The following GPM6B variants were observed in gnomAD, a reference collection of about 807,000 sequenced individuals.
GPM6B encodes the protein glycoprotein M6B, also known as neuronal membrane glycoprotein M6-b.
GPM6B carries 4 observed loss-of-function variants against 27.2 expected under a neutral mutation model. The ratio of observed to expected loss-of-function variants is 0.15; its 90% confidence interval spans 0.07 to 0.34. The LOEUF (loss-of-function observed/expected upper bound fraction) is 0.34. Among genes scored for constraint, GPM6B ranks in the 10% least tolerant of loss-of-function variants. GPM6B has a pLI of 1.00. For synonymous variants in GPM6B, 124 were observed against 103.1 expected, an observed-to-expected ratio of 1.20 and a Z score of -1.23; for missense variants, 183 against 261.9, an observed-to-expected ratio of 0.70 and a Z score of 2.08.
intron 1 of GPM6B, among the ~76,000 whole-genome samples, chrX:13,910,274 A>C (rs1295794100): frequency 2.7e-5 from 3 of 112,580 alleles, no homozygotes. Context: ...AAAATCCCCA[A>C]GCCCAGTCAG....
Position 13,913,132 on chromosome X carries a change from T to G in GPM6B, c.-198+25195A>C, listed in dbSNP as rs886801940. ...TCAAGACAATTATAGCACGTCCCAG[T>G]CTTCCCTGTCTGTCTGTCTGTCTAT... On this transcript the variant is annotated intron_variant, in intron 1 of 6. Transcript: ENST00000398361. Among the ~76,000 whole-genome samples, 5 of 111,702 alleles carry G rather than the reference T, an allele frequency of 4.5e-5. 1 individual carries two copies. In the South Asian group the frequency reaches 1.9e-3, roughly 42 times the overall value.
intron 1 of GPM6B, among the ~76,000 whole-genome samples, chrX:13,936,374 TCTA>T (rs1921838848): frequency 8.9e-6 from 1 of 112,210 alleles, no homozygotes; most frequent in African/African-American, 3.2e-5. Flanking sequence ...ACAAACCTCA[TCTA>T]TTTTACCAGT....
At chrX:13,789,546 C>T (rs1045088756) in intron 2 of GPM6B, among the ~76,000 whole-genome samples, 3 of 111,352 alleles carry the variant, frequency 2.7e-5, no homozygotes, top group Non-Finnish European at 3.8e-5. Flanking sequence ...GAGGCCAAGA[C>T]GGGCGGATCA....
At chrX:13,915,971 G>A (rs747921226) in intron 1 of GPM6B, among the ~76,000 whole-genome samples, 3 of 111,524 alleles carry the variant, frequency 2.7e-5, no homozygotes, top group Non-Finnish European at 3.8e-5. Flanking sequence ...CCTGCATTTG[G>A]AACATATCTA....
Position 13,785,693 on chromosome X carries a change from G to C in GPM6B, c.297C>G (p.Leu99=). The C allele has an allele frequency of 1.7e-6, 2 of 1,211,695 alleles. No homozygotes were observed. The highest frequency in any genetic ancestry group is 1.8e-5 in the South Asian group (1 of 57,014). The part of the protein sequence containing the change: ...ALFCGCGHVA[L]AGTVAILEQH... ...GCTCAAGAATCGCCACGGTGCCTGCGAGAGCCACATGCCCACAGCCGCAGA... is the reference window on the plus strand; with the variant it reads ...GCTCAAGAATCGCCACGGTGCCTGCCAGAGCCACATGCCCACAGCCGCAGA... The change falls in exon 3 of 8, where the codon CTC becomes CTG. Residue 99 remains leucine, a synonymous_variant. Coordinates refer to ENST00000316715, the MANE Select transcript of GPM6B (RefSeq NM_001001995.3).
chrX:13,910,889 C>T (rs1161167353), intron 1 of GPM6B, among the ~76,000 whole-genome samples: 1 of 112,435 alleles, frequency 8.9e-6, no homozygotes, highest in African/African-American at 3.2e-5. Flanking sequence ...CAGAAAGTAA[C>T]GGCAAACTGA....
intron 1 of GPM6B, among the ~76,000 whole-genome samples, chrX:13,851,950 T>TA (rs1243341540): frequency 1.6e-4 from 17 of 109,561 alleles, no homozygotes. Flanking sequence ...TCAGAGTTTA[T>TA]AAAAAATGGC....
chrX:13,800,553 T>G, intron 2 of GPM6B, among the ~76,000 whole-genome samples: 1 of 112,503 alleles, frequency 8.9e-6, no homozygotes, highest in South Asian at 3.7e-4. Context: ...AGCGAAACAT[T>G]ACTTCAAGAG....
intron 2 of GPM6B, among the ~76,000 whole-genome samples, chrX:13,804,926 T>C (rs2048995033): frequency 9.0e-6 from 1 of 111,624 alleles, no homozygotes; most frequent in Admixed American, 9.5e-5. Flanking sequence ...CAACAAAATC[T>C]GTAAGTGTCT....
chrX:13,866,223 C>T (rs1406729758), intron 1 of GPM6B, among the ~76,000 whole-genome samples: 8 of 112,056 alleles, frequency 7.1e-5, no homozygotes, highest in African/African-American at 1.3e-4. Flanking sequence ...ATTAGCCGGG[C>T]GTGGTGGCAC....
At chrX:13,885,955 A>G (rs1375736634) in intron 1 of GPM6B, among the ~76,000 whole-genome samples, 2 of 112,418 alleles carry the variant, frequency 1.8e-5, no homozygotes, top group Non-Finnish European at 3.8e-5. Context: ...CAAATGAAAA[A>G]CTGACATATC....
intron 1 of GPM6B, among the ~76,000 whole-genome samples, chrX:13,912,127 A>G (rs2050383740): frequency 8.9e-6 from 1 of 112,414 alleles, no homozygotes; most frequent in African/African-American, 3.2e-5. Flanking sequence ...TGAGGCCAAG[A>G]CAAAGGTGAA....
At chrX:13,795,827 A>G (rs774646050) in intron 2 of GPM6B, among the ~76,000 whole-genome samples, 2 of 106,233 alleles carry the variant, frequency 1.9e-5, no homozygotes, top group African/African-American at 3.5e-5. Flanking sequence ...ATCTCAGTTC[A>G]GTGCAACCTC....
At chrX:13,889,875 T>C (rs1360201526) in intron 1 of GPM6B, among the ~76,000 whole-genome samples, 1 of 110,745 alleles carries the variant, frequency 9.0e-6, no homozygotes, top group Non-Finnish European at 1.9e-5. Flanking sequence ...TGTATTTCAA[T>C]AGCCTAATTT....
chrX:13,829,654 T>TC (rs1307096834), intron 1 of GPM6B, among the ~76,000 whole-genome samples: 3 of 110,996 alleles, frequency 2.7e-5, no homozygotes, highest in Non-Finnish European at 5.7e-5. Context: ...AGCATGGTCC[T>TC]CCCTGAGGAG....
At chrX:13,924,447 G>A (rs918680487) in intron 1 of GPM6B, among the ~76,000 whole-genome samples, 5 of 110,328 alleles carry the variant, frequency 4.5e-5, no homozygotes, top group African/African-American at 9.9e-5. Flanking sequence ...CTAAAGGTGC[G>A]TATCACCGGC....
rs1181177654 is a variant in GPM6B at position 13,921,856 on chromosome X, C to T, written c.-198+16471G>A. On this transcript the variant is annotated intron_variant, in intron 1 of 6. Transcript: ENST00000398361. The stretch of plus-strand genomic sequence containing the variant: ...CCTCCCAAAGTGCTGGGACTACAGG[C>T]GTGAGCCACCGTGCCCGGCCTATAC... 3.6e-5 allele frequency among the ~76,000 whole-genome samples: 4 copies of T among 111,897 alleles called. No homozygotes were observed. The South Asian group carries it at 1.1e-3, about 31-fold the overall frequency.
At chrX:13,816,796 C>T in intron 1 of GPM6B, 48 bp downstream of exon 1, 1 of 1,182,950 alleles carries the variant, frequency 8.5e-7, no homozygotes, top group Non-Finnish European at 1.1e-6. Flanking sequence ...TTTTTAAGCA[C>T]CCCCCAGTGA....
At chrX:13,852,939 C>T (rs1198037537) in intron 1 of GPM6B, among the ~76,000 whole-genome samples, 1 of 109,887 alleles carries the variant, frequency 9.1e-6, no homozygotes, top group Admixed American at 9.7e-5. Context: ...CGCCACCATG[C>T]CCAGCCAAAA....
Sources: allele counts gnomAD v4.1 joint callset (sites outside exome capture counted in the v4.1 genomes callset), GRCh38; gene constraint gnomAD v4.1.1; transcripts MANE v1.5; gene names NCBI Gene and HGNC (gene_info 2026-07-23, HGNC 2026-07-21).